SGCZ: variants seen among roughly 807,000 people sequenced by gnomAD.
SGCZ encodes sarcoglycan zeta.
Under a neutral mutation model 41.3 loss-of-function variants are expected in SGCZ, and 40 were observed. The observed-to-expected ratio is 0.97, with a 90% CI of 0.75 to 1.26. The LOEUF (loss-of-function observed/expected upper bound fraction) is 1.26. SGCZ is among the 50% of genes most tolerant of loss of function. SGCZ has a pLI of 0.00. For missense variants in SGCZ, 552 were observed against 369.8 expected (o/e 1.49, Z -4.04); for synonymous variants, 206 against 137.5 (o/e 1.50, Z -3.49).
At chr8:14,345,904 G>A (rs1802876613) in intron 2 of SGCZ, among the ~76,000 whole-genome samples, 1 of 152,046 alleles carries the variant, frequency 6.6e-6, no homozygotes, top group Non-Finnish European at 1.5e-5. Flanking sequence ...CAAAAGATCA[G>A]TGGTTGCCAA....
intron 1 of SGCZ, among the ~76,000 whole-genome samples, chr8:14,959,995 G>C (rs996564706): frequency 1.3e-5 from 2 of 152,122 alleles, no homozygotes; most frequent in African/African-American, 4.8e-5. Context: ...AGCTCGTGCT[G>C]CCATTTCAAT....
intron 1 of SGCZ, among the ~76,000 whole-genome samples, chr8:15,003,933 A>G (rs989002393): frequency 6.6e-6 from 1 of 152,176 alleles, no homozygotes; most frequent in Admixed American, 6.5e-5. Context: ...AATACATCTC[A>G]TGCTCCCACA....
intron 1 of SGCZ, among the ~76,000 whole-genome samples, chr8:14,833,140 C>A (rs1435650441): frequency 3.3e-5 from 5 of 151,932 alleles, no homozygotes; most frequent in Admixed American, 6.6e-5. Flanking sequence ...TATTCCATTA[C>A]AGGAATAATG....
At chr8:14,599,584 C>T (rs747480574) in intron 1 of SGCZ, among the ~76,000 whole-genome samples, 1 of 152,162 alleles carries the variant, frequency 6.6e-6, no homozygotes, top group East Asian at 1.9e-4. Flanking sequence ...TCTTGTTCTC[C>T]TGGGAGAAAA....
chr8:14,933,981 C>A (rs1372101389), intron 1 of SGCZ, among the ~76,000 whole-genome samples: 1 of 151,842 alleles, frequency 6.6e-6, no homozygotes, highest in Admixed American at 6.6e-5. Context: ...TCCAAAAATT[C>A]ATAATTACCA....
At chr8:15,007,237 T>G (rs528480401) in intron 1 of SGCZ, among the ~76,000 whole-genome samples, 1 of 152,326 alleles carries the variant, frequency 6.6e-6, no homozygotes, top group Admixed American at 6.5e-5. Context: ...AAAAGTATAT[T>G]TAGATATTAA....
At chr8:14,457,297 C>A (rs985399350) in intron 2 of SGCZ, among the ~76,000 whole-genome samples, 13 of 152,208 alleles carry the variant, frequency 8.5e-5, no homozygotes, top group East Asian at 3.9e-4. Flanking sequence ...TATGCCCACA[C>A]AGGGCCACCA....
chr8:15,114,531 A>G (rs1453583152), intron 1 of SGCZ, among the ~76,000 whole-genome samples: 1 of 152,184 alleles, frequency 6.6e-6, no homozygotes. Context: ...TTGAATCACT[A>G]TTTGATTAAC....
Position 14,554,879 on chromosome 8 carries a change from T to A in SGCZ, c.87A>T (p.Pro29=), listed in dbSNP as rs145030898. The part of the protein sequence containing the change: ...YILATQQNNL[P]RTENAQLYPV... ...GGTAAAGTTGTGCATTCTCAGTCCTTGGCAGGTTATTCTGTTGGGTTGCTA... is the reference window on the plus strand; with the variant it reads ...GGTAAAGTTGTGCATTCTCAGTCCTAGGCAGGTTATTCTGTTGGGTTGCTA... The change falls in exon 2 of 8, where the codon CCA becomes CCT. Residue 29 remains proline, a synonymous_variant. Transcript: ENST00000382080. 3 of 1,613,080 alleles carry A rather than the reference T, an allele frequency of 1.9e-6. No homozygotes were observed. In the African/African-American group the frequency reaches 4.0e-5, roughly 22 times the overall value.
At chr8:14,192,044 T>C (rs1805120418) in intron 4 of SGCZ, among the ~76,000 whole-genome samples, 1 of 152,120 alleles carries the variant, frequency 6.6e-6, no homozygotes, top group Admixed American at 6.5e-5. Flanking sequence ...TACAAAATTC[T>C]TATGACCTGT....
intron 1 of SGCZ, among the ~76,000 whole-genome samples, chr8:15,180,676 G>C (rs2898409): frequency 0.34 from 52,223 of 151,790 alleles, 11,733 homozygotes; most frequent in Non-Finnish European, 0.47. Flanking sequence ...ATGAGGTCAA[G>C]AGTTCAAGAC....
chr8:14,302,784 T>C (rs1473554563), intron 3 of SGCZ, among the ~76,000 whole-genome samples: 1 of 152,200 alleles, frequency 6.6e-6, no homozygotes, highest in Non-Finnish European at 1.5e-5. Context: ...ACATATCTCA[T>C]ATTTATTCTG....
intron 1 of SGCZ, among the ~76,000 whole-genome samples, chr8:14,607,431 TTAGG>T (rs1805787729): frequency 6.6e-6 from 1 of 152,180 alleles, no homozygotes; most frequent in African/African-American, 2.4e-5. Flanking sequence ...ATCCAATTAA[TTAGG>T]TAATTCAATA....
intron 1 of SGCZ, among the ~76,000 whole-genome samples, chr8:14,953,333 C>G (rs1245506284): frequency 6.6e-6 from 1 of 152,138 alleles, no homozygotes; most frequent in African/African-American, 2.4e-5. Context: ...AACCAGATGT[C>G]TTGAGAACTC....
chr8:15,075,237 A>G (rs901512251), intron 1 of SGCZ, among the ~76,000 whole-genome samples: 2 of 146,492 alleles, frequency 1.4e-5, no homozygotes, highest in African/African-American at 2.5e-5. Flanking sequence ...AAAAAAAAAA[A>G]TGGATTATCA....
chr8:14,301,060 A>AATC (rs58825148), intron 3 of SGCZ, among the ~76,000 whole-genome samples: 36,923 of 147,760 alleles, frequency 0.25, 5,203 homozygotes, highest in African/African-American at 0.39. Flanking sequence ...AACACAAGAA[A>AATC]ATCATCATCA....
At position 14,309,326 on chromosome 8, in the gene SGCZ, G is replaced by A. The variant is rs545083462; in HGVS notation, c.336+14777C>T. 90 of 1,599,290 alleles carry A rather than the reference G, an allele frequency of 5.6e-5. 1 individual carries two copies. Among genetic ancestry groups the A allele is most frequent in the South Asian group, 2.0e-4 (18 of 90,754 alleles). On this transcript the variant is annotated intron_variant, in intron 3 of 7. Coordinates refer to ENST00000382080, the MANE Select transcript of SGCZ (RefSeq NM_139167.4). ...TAAGGATGGTATTGAGACTATGTGG[G>A]AAGATGAGAAAAACAAATGGGGAGG...
chr8:14,122,765 T>G (rs1293500417), intron 5 of SGCZ, among the ~76,000 whole-genome samples: 1 of 152,172 alleles, frequency 6.6e-6, no homozygotes, highest in Non-Finnish European at 1.5e-5. Flanking sequence ...AATTCTTCTT[T>G]CTCCCTTATC....
At chr8:14,847,014 G>A (rs1294517457) in intron 1 of SGCZ, among the ~76,000 whole-genome samples, 2 of 152,034 alleles carry the variant, frequency 1.3e-5, no homozygotes, top group East Asian at 3.9e-4. Flanking sequence ...GGAGATTGCA[G>A]TGAGCCAAGA....
Sources: allele counts gnomAD v4.1 joint callset (sites outside exome capture counted in the v4.1 genomes callset), GRCh38; gene constraint gnomAD v4.1.1; transcripts MANE v1.5; gene names NCBI Gene and HGNC (gene_info 2026-07-23, HGNC 2026-07-21).